The following C4orf51 variants were observed in gnomAD, a reference collection of about 807,000 sequenced individuals.
C4orf51 encodes uncharacterized protein C4orf51.
A neutral mutation model predicts 25.2 loss-of-function variants in C4orf51; 25 were observed. The ratio of observed to expected loss-of-function variants is 0.99; its 90% confidence interval spans 0.72 to 1.39. The LOEUF is 1.39. C4orf51 is among the 40% of genes most tolerant of loss of function. The pLI is 0.00. For missense variants in C4orf51, 252 were observed against 239.6 expected, an observed-to-expected ratio of 1.05 and a Z score of -0.34; for synonymous variants, 100 against 84.5, an observed-to-expected ratio of 1.18 and a Z score of -1.01.
rs922870569 is a variant in C4orf51, at chr4:145,732,662, A to G, written c.*102A>G. The G allele has an allele frequency of 3.2e-5, 19 of 589,134 alleles. No individual in the cohort carries two copies. In the Admixed American group the frequency reaches 6.6e-4, roughly 20 times the overall value. The allele number at this position is 589,134 out of a possible 1,614,324, so 36.5% of individuals were successfully genotyped here. On this transcript the variant is annotated 3_prime_UTR_variant, in exon 6 of 6. Transcript: ENST00000438731. ...CACCCTCCCCCCACCCGCCCCGCCC[A>G]GGAACGTCTGGACCCTGGCAGGTTG...
intron 1 of C4orf51, among the ~76,000 whole-genome samples, chr4:145,768,665 G>A (rs7671215): frequency 0.39 from 58,196 of 149,418 alleles, 12,873 homozygotes; most frequent in Non-Finnish European, 0.52. Flanking sequence ...GCAATCTAGT[G>A]ACTGTAAATG....
chr4:145,744,849 T>C (rs1381412786), intron 1 of C4orf51, among the ~76,000 whole-genome samples: 1 of 138,250 alleles, frequency 7.2e-6, no homozygotes, highest in Non-Finnish European at 1.5e-5. Context: ...TGAAACTCTG[T>C]CTCAAAAAAA....
chr4:145,699,623 C>A (rs1422650317), intron 2 of C4orf51, among the ~76,000 whole-genome samples: 2 of 152,206 alleles, frequency 1.3e-5, no homozygotes, highest in African/African-American at 4.8e-5. Flanking sequence ...GCAGCCTTCC[C>A]TTGGTGTTTA....
chr4:145,757,940 A>G (rs1734077712), downstream of C4orf51: 1 of 152,326 alleles, frequency 6.6e-6, no homozygotes, highest in South Asian at 2.1e-4. Context: ...CATAGTGACA[A>G]CAATTGAAGT....
chr4:145,732,953 C>T (rs139405509), downstream of C4orf51, among the ~76,000 whole-genome samples: 13 of 152,270 alleles, frequency 8.5e-5, no homozygotes, highest in East Asian at 1.9e-3. Flanking sequence ...GAGCGGTCAC[C>T]CAGCAGAGCC....
chr4:145,701,395 A>G (rs1171302383), intron 2 of C4orf51, among the ~76,000 whole-genome samples: 1 of 152,088 alleles, frequency 6.6e-6, no homozygotes, highest in Non-Finnish European at 1.5e-5. Context: ...TCTGACCACC[A>G]GGCCAAGGAA....
At chr4:145,778,609 C>T in the C4orf51 span, among the ~76,000 whole-genome samples, 1 of 152,108 alleles carries the variant, frequency 6.6e-6, no homozygotes, top group African/African-American at 2.4e-5. Flanking sequence ...GAGACCCTAT[C>T]TTGGGGGAAA....
intron 2 of C4orf51, among the ~76,000 whole-genome samples, chr4:145,710,766 C>T (rs1199989519): frequency 6.6e-6 from 1 of 151,194 alleles, no homozygotes; most frequent in Non-Finnish European, 1.5e-5. Context: ...TGATGGTTGC[C>T]TGACATTCCT....
intron 1 of C4orf51, among the ~76,000 whole-genome samples, chr4:145,749,046 C>T (rs1733529592): frequency 8.1e-6 from 1 of 122,812 alleles, no homozygotes; most frequent in African/African-American, 3.0e-5. Flanking sequence ...TACCTGGATG[C>T]TCCAATGTGT....
rs573777549 is a variant in C4orf51 at position 145,726,569 on chromosome 4, T to C, written c.308-342T>C. Reference sequence around the variant, plus strand: ...GGAGCCACCATCACACCCAGCTAATTTTTAAAAATTATTATTTGTAGAGAC... The same window carrying C: ...GGAGCCACCATCACACCCAGCTAATCTTTAAAAATTATTATTTGTAGAGAC... On this transcript the variant is annotated intron_variant, in intron 2 of 5. Coordinates refer to ENST00000438731, the MANE Select transcript of C4orf51 (RefSeq NM_001080531.3). 2.0e-5 allele frequency among the ~76,000 whole-genome samples: 3 copies of C among 152,124 alleles called. No individual in the cohort carries two copies. The South Asian group carries it at 6.2e-4, about 32-fold the overall frequency.
At chr4:145,753,313 T>C (rs1733783590) in intron 1 of C4orf51, among the ~76,000 whole-genome samples, 2 of 152,054 alleles carry the variant, frequency 1.3e-5, no homozygotes, top group Admixed American at 1.3e-4. Flanking sequence ...TTGATGACCT[T>C]CCTTCTGGGT....
intron 2 of C4orf51, among the ~76,000 whole-genome samples, chr4:145,699,361 TAC>T (rs1462407153): frequency 6.9e-6 from 1 of 145,470 alleles, no homozygotes; most frequent in Non-Finnish European, 1.5e-5. Flanking sequence ...AAGATCCACC[TAC>T]GACCTCAGGT....
intron 1 of C4orf51, among the ~76,000 whole-genome samples, chr4:145,748,671 A>C (rs6823969): frequency 1.3e-5 from 2 of 151,944 alleles, no homozygotes; most frequent in Middle Eastern, 3.2e-3. Flanking sequence ...TTTGATTTCT[A>C]TGTATTTGTA....
chr4:145,770,625 T>A (rs532850089), intron 1 of C4orf51, among the ~76,000 whole-genome samples: 88 of 152,138 alleles, frequency 5.8e-4, no homozygotes, highest in South Asian at 1.2e-3. Flanking sequence ...ACTAATACTT[T>A]GTATTTTCCC....
chr4:145,692,953 G>GTTTTTTTTTTTTTTTTTTTTTTT (rs202227019), intron 1 of C4orf51, among the ~76,000 whole-genome samples: 9 of 100,992 alleles, frequency 8.9e-5, no homozygotes, highest in Non-Finnish European at 1.4e-4. Context: ...TAAGTTTTTA[G>GTTTTTTTTTTTTTTTTTTTTTTT]TTTTTTTTTT....
chr4:145,682,025 A>G (rs1728867970), intron 1 of C4orf51, among the ~76,000 whole-genome samples: 1 of 152,176 alleles, frequency 6.6e-6, no homozygotes, highest in African/African-American at 2.4e-5. Context: ...CCAGAGTAGG[A>G]AAAAAGGTAC....
chr4:145,767,553 AC>A, intron 1 of C4orf51, among the ~76,000 whole-genome samples: 1 of 152,328 alleles, frequency 6.6e-6, no homozygotes, highest in East Asian at 1.9e-4. Context: ...AGAAACCTAT[AC>A]AAAAAAAATC....
At chr4:145,766,746 A>G (rs1196466337) in intron 1 of C4orf51, among the ~76,000 whole-genome samples, 1 of 152,228 alleles carries the variant, frequency 6.6e-6, no homozygotes, top group Admixed American at 6.5e-5. Flanking sequence ...CTTAGAGAAC[A>G]GTGCCCGGCA....
At chr4:145,685,346 C>G (rs974282009) in intron 1 of C4orf51, among the ~76,000 whole-genome samples, 1 of 152,174 alleles carries the variant, frequency 6.6e-6, no homozygotes, top group African/African-American at 2.4e-5. Flanking sequence ...TGTTTTCTGA[C>G]TGTAGTAGGA....
Sources: allele counts gnomAD v4.1 joint callset (sites outside exome capture counted in the v4.1 genomes callset), GRCh38; gene constraint gnomAD v4.1.1; transcripts MANE v1.5; gene names NCBI Gene and HGNC (gene_info 2026-07-23, HGNC 2026-07-21).